LRRC8C: variants seen among roughly 807,000 people sequenced by gnomAD.
LRRC8C encodes the protein leucine rich repeat containing 8 VRAC subunit C, also known as volume-regulated anion channel subunit LRRC8C.
LRRC8C carries 20 observed loss-of-function variants against 55.3 expected under a neutral mutation model. The ratio of observed to expected loss-of-function variants is 0.36; its 90% CI spans 0.25 to 0.53. The LOEUF (loss-of-function observed/expected upper bound fraction) is 0.53. Among genes scored for constraint, LRRC8C ranks in the 20% least tolerant of loss-of-function variants. The pLI is 0.92. For synonymous variants in LRRC8C, 376 were observed against 360.7 expected (o/e 1.04, Z -0.48); for missense variants, 659 against 951.4 (o/e 0.69, Z 4.04).
chr1:89,662,229 C>T (rs1262842181), intron 1 of LRRC8C, among the ~76,000 whole-genome samples: 1 of 152,182 alleles, frequency 6.6e-6, no homozygotes, highest in Admixed American at 6.5e-5. Flanking sequence ...TATTCAAAGC[C>T]ATCCTGGGCC....
At chr1:89,635,574 C>T (rs1656256272) in intron 1 of LRRC8C, among the ~76,000 whole-genome samples, 2 of 151,996 alleles carry the variant, frequency 1.3e-5, no homozygotes, top group Non-Finnish European at 2.9e-5. Flanking sequence ...TAATGATATA[C>T]TTTTTTTTAT....
At chr1:89,678,539 A>G (rs1374475695) in intron 1 of LRRC8C, among the ~76,000 whole-genome samples, 1 of 152,136 alleles carries the variant, frequency 6.6e-6, no homozygotes, top group East Asian at 1.9e-4. Flanking sequence ...CGTCTCTACT[A>G]AAAATACAAA....
chr1:89,636,570 G>A (rs1656287990), intron 1 of LRRC8C, among the ~76,000 whole-genome samples: 2 of 151,756 alleles, frequency 1.3e-5, no homozygotes, highest in African/African-American at 4.8e-5. Context: ...TGATCTCTTA[G>A]CCTTGTATAT....
chr1:89,682,783 CTA>C (rs1657756089), intron 1 of LRRC8C, among the ~76,000 whole-genome samples: 2 of 152,316 alleles, frequency 1.3e-5, no homozygotes, highest in Admixed American at 1.3e-4. Context: ...TATTAATACA[CTA>C]TGTGATGAAA....
chr1:89,663,385 A>G (rs897335585), intron 1 of LRRC8C, among the ~76,000 whole-genome samples: 1 of 152,052 alleles, frequency 6.6e-6, no homozygotes, highest in Non-Finnish European at 1.5e-5. Flanking sequence ...CCTGGCTAAC[A>G]CAGTGAAACC....
At chr1:89,659,080 T>G (rs1451447543) in intron 1 of LRRC8C, among the ~76,000 whole-genome samples, 2 of 141,930 alleles carry the variant, frequency 1.4e-5, no homozygotes, top group African/African-American at 2.6e-5. Flanking sequence ...TGTGTGTGTG[T>G]GTGTGTGTGT....
chr1:89,652,956 G>A (rs1656831822), intron 1 of LRRC8C, among the ~76,000 whole-genome samples: 1 of 152,146 alleles, frequency 6.6e-6, no homozygotes. Flanking sequence ...TGTTCCCCTG[G>A]CATTATGGAG....
chr1:89,680,681 C>T (rs114090966), intron 1 of LRRC8C, among the ~76,000 whole-genome samples: 141 of 151,772 alleles, frequency 9.3e-4, no homozygotes, highest in Middle Eastern at 3.4e-3. Flanking sequence ...CTGCCTCAGC[C>T]ACATGAGTAG....
intron 1 of LRRC8C, among the ~76,000 whole-genome samples, chr1:89,665,129 C>A (rs990179618): frequency 6.6e-6 from 1 of 152,172 alleles, no homozygotes; most frequent in African/African-American, 2.4e-5. Context: ...ATTTCTTTCT[C>A]TTGCCTGATT....
At chr1:89,708,745 T>C (rs1432786204) in intron 2 of LRRC8C, 1 of 152,248 alleles carries the variant, frequency 6.6e-6, no homozygotes, top group Non-Finnish European at 1.5e-5. Flanking sequence ...CTCTCTCTTA[T>C]AGCTATTGCA....
At chr1:89,690,402 G>A (rs1657996249) in intron 2 of LRRC8C, among the ~76,000 whole-genome samples, 1 of 152,088 alleles carries the variant, frequency 6.6e-6, no homozygotes, top group Non-Finnish European at 1.5e-5. Flanking sequence ...GGCTAGCTTG[G>A]GAAATAGTAG....
chr1:89,660,644 A>G (rs1235050445), intron 1 of LRRC8C, among the ~76,000 whole-genome samples: 1 of 152,204 alleles, frequency 6.6e-6, no homozygotes, highest in African/African-American at 2.4e-5. Context: ...TTTCCCTTTG[A>G]AAACATGTGC....
In LRRC8C at chr1:89,713,531, T is replaced by C. The variant is rs1036006638; in HGVS notation, c.961T>C (p.Phe321Leu). Residue 321 changes from phenylalanine to leucine, a missense_variant, in exon 3 of 3, where the codon TTT (phenylalanine) becomes CTT (leucine). By Grantham distance (22) the Phe-to-Leu change is conservative. Around this residue, in one of 5 missense-constraint regions of LRRC8C, gnomAD observed 200 missense variants for 360.5 expected, o/e 0.55. Transcript: ENST00000370454. The surrounding 1 kb of genome is among the most constrained non-coding windows in gnomAD (Gnocchi z 5.2). Reference protein sequence around the residue: ...TMAHLFSKLSFCYLCFVSIYG... With the variant: ...TMAHLFSKLSLCYLCFVSIYG... ...GGCACACTTGTTCTCAAAACTGTCC[T>C]TTTGCTATCTGTGCTTTGTTAGTAT... 6.2e-7 allele frequency: 1 copy of C among 1,614,192 alleles called. No individual in the cohort carries two copies. The highest frequency in any genetic ancestry group is 1.3e-5 in the African/African-American group (1 of 75,066).
chr1:89,685,839 G>A (rs2101282435), intron 1 of LRRC8C, among the ~76,000 whole-genome samples: 1 of 152,092 alleles, frequency 6.6e-6, no homozygotes, highest in East Asian at 1.9e-4. Flanking sequence ...AAAAAATCAA[G>A]ATACAAGCAT....
At chr1:89,707,869 T>C (rs1049503460) in intron 2 of LRRC8C, among the ~76,000 whole-genome samples, 2 of 152,080 alleles carry the variant, frequency 1.3e-5, no homozygotes, top group Middle Eastern at 3.2e-3. Flanking sequence ...GTAGGCAGTT[T>C]AGCTGTCTCT....
chr1:89,689,288 C>T (rs533676650), intron 2 of LRRC8C, among the ~76,000 whole-genome samples: 1 of 152,200 alleles, frequency 6.6e-6, no homozygotes, highest in Non-Finnish European at 1.5e-5. Context: ...GCCAGAAAAA[C>T]GTGAGTGAGG....
upstream of LRRC8C, chr1:89,632,991 T>C (rs971930085): frequency 5.3e-5 from 8 of 151,954 alleles, no homozygotes; most frequent in Non-Finnish European, 7.4e-5. Context: ...CGGCGGGCGG[T>C]GGCGACCCCG....
chr1:89,644,330 G>A (rs770765881), intron 1 of LRRC8C, among the ~76,000 whole-genome samples: 56 of 152,244 alleles, frequency 3.7e-4, no homozygotes, highest in Non-Finnish European at 5.0e-4. Context: ...ACGTGCCACC[G>A]CACCCGGCTA....
At chr1:89,684,518 A>G (rs1161224218) in intron 1 of LRRC8C, among the ~76,000 whole-genome samples, 1 of 152,236 alleles carries the variant, frequency 6.6e-6, no homozygotes, top group Non-Finnish European at 1.5e-5. Flanking sequence ...GATGCAAAAT[A>G]GAGTAAGACA....
Sources: allele counts gnomAD v4.1 joint callset (sites outside exome capture counted in the v4.1 genomes callset), GRCh38; gene constraint gnomAD v4.1.1; regional missense constraint gnomAD v4.1.1; non-coding constraint Gnocchi (gnomAD v3.1); transcripts MANE v1.5; gene names NCBI Gene and HGNC (gene_info 2026-07-23, HGNC 2026-07-21).